FSTL5: variants seen among roughly 807,000 people sequenced by gnomAD.
FSTL5 encodes follistatin-related protein 5.
A neutral mutation model predicts 89.1 loss-of-function variants in FSTL5; 62 were observed. That is an observed-to-expected ratio of 0.70 (90% CI 0.57 to 0.86). The LOEUF (loss-of-function observed/expected upper bound fraction) is 0.86, where lower values mean the gene tolerates loss of function less well. FSTL5 is among the 40% of genes least tolerant of loss of function. FSTL5 has a pLI of 0.00. For missense variants in FSTL5, 1,057 were observed against 1,001.6 expected (o/e 1.06, Z -0.75); for synonymous variants, 383 against 346.2 (o/e 1.11, Z -1.18).
At chr4:161,767,516 G>A (rs1430680683) in intron 5 of FSTL5, among the ~76,000 whole-genome samples, 1 of 152,166 alleles carries the variant, frequency 6.6e-6, no homozygotes, top group African/African-American at 2.4e-5. Flanking sequence ...TATTGAAACT[G>A]AGATTTTACA....
chr4:161,630,055 C>T (rs1161067115), intron 7 of FSTL5, among the ~76,000 whole-genome samples: 2 of 152,142 alleles, frequency 1.3e-5, no homozygotes, highest in Non-Finnish European at 2.9e-5. Context: ...TCAGGGAGAA[C>T]TAGGAGACAC....
chr4:161,966,839 A>G (rs1646551276), intron 3 of FSTL5, among the ~76,000 whole-genome samples: 1 of 152,032 alleles, frequency 6.6e-6, no homozygotes, highest in African/African-American at 2.4e-5. Flanking sequence ...AAACATGGAG[A>G]CACTTCCTTA....
At chr4:161,975,604 G>A (rs1473631226) in intron 3 of FSTL5, among the ~76,000 whole-genome samples, 2 of 151,072 alleles carry the variant, frequency 1.3e-5, no homozygotes, top group Admixed American at 6.6e-5. Context: ...GGACTGTGGT[G>A]GGGTGGGGGG....
At chr4:161,829,112 CAA>C (rs1261835101) in intron 4 of FSTL5, among the ~76,000 whole-genome samples, 1 of 141,776 alleles carries the variant, frequency 7.1e-6, no homozygotes, top group Non-Finnish European at 1.5e-5. Context: ...AAAAATTAGA[CAA>C]AGTTAAAAGG....
intron 2 of FSTL5, among the ~76,000 whole-genome samples, chr4:162,045,182 A>T (rs2111237493): frequency 6.6e-6 from 1 of 152,244 alleles, no homozygotes; most frequent in Non-Finnish European, 1.5e-5. Flanking sequence ...AAAGTGAGAG[A>T]CATACAATTC....
chr4:161,618,980 A>G (rs1735003146), intron 7 of FSTL5, among the ~76,000 whole-genome samples: 1 of 152,222 alleles, frequency 6.6e-6, no homozygotes, highest in Non-Finnish European at 1.5e-5. Flanking sequence ...TGGTACTGGT[A>G]CCAAAACAGA....
intron 7 of FSTL5, among the ~76,000 whole-genome samples, chr4:161,655,862 A>G (rs1736496534): frequency 6.6e-6 from 1 of 152,186 alleles, no homozygotes; most frequent in Non-Finnish European, 1.5e-5. Flanking sequence ...TAATGGCTAT[A>G]GATTCCTATT....
chr4:162,095,802 A>G (rs1460989113), intron 2 of FSTL5, among the ~76,000 whole-genome samples: 1 of 152,038 alleles, frequency 6.6e-6, no homozygotes, highest in Non-Finnish European at 1.5e-5. Context: ...CTGAAATTCT[A>G]GTAGAATTGA....
Position 161,621,651 on chromosome 4 carries a change from A to AGAT in FSTL5, c.895-34079_895-34077dup, listed in dbSNP as rs1181718357. ...TTGTTAAAATTGATAAACTCCCCTAAGATTCATAAAGGAAACATTAAGACA... is the reference window on the plus strand; with the variant it reads ...TTGTTAAAATTGATAAACTCCCCTAAGATGATTCATAAAGGAAACATTAAGACA... On this transcript the variant is annotated intron_variant, in intron 7 of 15. Coordinates refer to ENST00000306100, the MANE Select transcript of FSTL5 (RefSeq NM_020116.5). Among the ~76,000 whole-genome samples the AGAT allele has an allele frequency of 2.6e-5, 4 of 152,038 alleles. No homozygotes were observed. In the South Asian group the frequency reaches 6.2e-4, roughly 24 times the overall value.
intron 8 of FSTL5, among the ~76,000 whole-genome samples, chr4:161,562,686 G>C (rs1028564153): frequency 6.6e-6 from 1 of 150,950 alleles, no homozygotes; most frequent in African/African-American, 2.4e-5. Flanking sequence ...CTTGTTTATT[G>C]TGGCAAAATA....
chr4:161,464,389 T>C (rs1218836649), intron 13 of FSTL5, among the ~76,000 whole-genome samples: 3 of 152,094 alleles, frequency 2.0e-5, no homozygotes, highest in Admixed American at 6.6e-5. Context: ...TAATTCACTT[T>C]CTCAGCACGG....
At chr4:162,026,091 G>A (rs939831995) in intron 3 of FSTL5, among the ~76,000 whole-genome samples, 6 of 149,602 alleles carry the variant, frequency 4.0e-5, no homozygotes, top group African/African-American at 1.2e-4. Flanking sequence ...AATTTTTATT[G>A]GCAAATAAAA....
chr4:161,422,431 G>A (rs1363222617), intron 15 of FSTL5, among the ~76,000 whole-genome samples: 1 of 152,100 alleles, frequency 6.6e-6, no homozygotes, highest in Admixed American at 6.5e-5. Context: ...TTTTTCTCCT[G>A]AGCTAGTGAG....
At chr4:161,476,051 T>A (rs1290893385) in intron 13 of FSTL5, among the ~76,000 whole-genome samples, 1 of 150,832 alleles carries the variant, frequency 6.6e-6, no homozygotes, top group Non-Finnish European at 1.5e-5. Flanking sequence ...TTTCTTTAAA[T>A]GACCATACTT....
intron 3 of FSTL5, among the ~76,000 whole-genome samples, chr4:162,020,571 G>C (rs1201540702): frequency 6.6e-6 from 1 of 152,052 alleles, no homozygotes; most frequent in African/African-American, 2.4e-5. Context: ...TTAGAGAAGA[G>C]AAAATGGAGT....
chr4:161,805,681 T>C (rs1474377778), intron 4 of FSTL5, among the ~76,000 whole-genome samples: 1 of 152,118 alleles, frequency 6.6e-6, no homozygotes, highest in Admixed American at 6.6e-5. Context: ...AGGCAATACA[T>C]GTCACTGAAC....
At chr4:162,064,025 G>A (rs947694620) in intron 2 of FSTL5, among the ~76,000 whole-genome samples, 1 of 151,904 alleles carries the variant, frequency 6.6e-6, no homozygotes, top group East Asian at 1.9e-4. Flanking sequence ...TTGGCCATAA[G>A]TTGCCTTACT....
chr4:161,983,682 T>A (rs1735887149), intron 3 of FSTL5, among the ~76,000 whole-genome samples: 2 of 152,160 alleles, frequency 1.3e-5, no homozygotes, highest in Admixed American at 1.3e-4. Context: ...AGGACACTCA[T>A]TTATACATCA....
intron 4 of FSTL5, among the ~76,000 whole-genome samples, chr4:161,910,052 A>T (rs1353434836): frequency 6.6e-6 from 1 of 152,142 alleles, no homozygotes; most frequent in East Asian, 1.9e-4. Context: ...AAAGCTACCC[A>T]TAGCCTTAAA....
Sources: allele counts gnomAD v4.1 joint callset (sites outside exome capture counted in the v4.1 genomes callset), GRCh38; gene constraint gnomAD v4.1.1; transcripts MANE v1.5; gene names NCBI Gene and HGNC (gene_info 2026-07-23, HGNC 2026-07-21).